The following ERGIC1 variants were observed in gnomAD, a reference collection of about 807,000 sequenced individuals.
ERGIC1 encodes the protein endoplasmic reticulum-Golgi intermediate compartment protein 1.
A neutral mutation model predicts 38.3 loss-of-function variants in ERGIC1; 19 were observed. That is an observed-to-expected ratio of 0.50 (90% CI 0.35 to 0.73). The LOEUF (loss-of-function observed/expected upper bound fraction) is 0.73, where lower values mean the gene tolerates loss of function less well. Among genes scored for constraint, ERGIC1 ranks in the 30% least tolerant of loss-of-function variants. The pLI, the probability that ERGIC1 is intolerant of heterozygous loss-of-function variation, is 0.01. For missense variants in ERGIC1, 294 were observed against 389.2 expected, an observed-to-expected ratio of 0.76 and a Z score of 2.06; for synonymous variants, 124 against 157.6, an observed-to-expected ratio of 0.79 and a Z score of 1.60.
chr5:172,946,466 A>G (rs995239211), intron 9 of ERGIC1, among the ~76,000 whole-genome samples: 1 of 152,148 alleles, frequency 6.6e-6, no homozygotes, highest in African/African-American at 2.4e-5. Context: ...TTGTTCCCAC[A>G]TCATCCCAGG....
At chr5:172,947,937 T>C (rs1402347954) in intron 9 of ERGIC1, among the ~76,000 whole-genome samples, 1 of 151,732 alleles carries the variant, frequency 6.6e-6, no homozygotes, top group Non-Finnish European at 1.5e-5. Context: ...TTTGCTTCAT[T>C]GCACGTAAGT....
intron 4 of ERGIC1, among the ~76,000 whole-genome samples, chr5:172,914,247 A>ATAAAAT (rs1406597362): frequency 7.8e-6 from 1 of 127,914 alleles, no homozygotes; most frequent in South Asian, 2.1e-4. Context: ...AAAAAAAAAA[A>ATAAAAT]AAAAAAAAAA....
At chr5:172,867,161 C>T in intron 1 of ERGIC1, 2 of 454,544 alleles carry the variant, frequency 4.4e-6, no homozygotes, top group Non-Finnish European at 8.9e-6. Context: ...CCAGTGCTTG[C>T]CAGCAATGCC....
intron 9 of ERGIC1, chr5:172,938,136 C>T (rs61495029): frequency 0.19 from 28,263 of 152,164 alleles, 2,812 homozygotes; most frequent in South Asian, 0.24. Context: ...AACCCCAGGA[C>T]CCAAAAAATC....
At chr5:172,894,382 G>T (rs1193264237) in intron 2 of ERGIC1, among the ~76,000 whole-genome samples, 1 of 151,532 alleles carries the variant, frequency 6.6e-6, no homozygotes, top group Non-Finnish European at 1.5e-5. Flanking sequence ...TTTTAGTAGG[G>T]ACGGGGTTTC....
intron 1 of ERGIC1, among the ~76,000 whole-genome samples, chr5:172,860,605 A>G (rs1204492097): frequency 6.6e-6 from 1 of 152,326 alleles, no homozygotes; most frequent in East Asian, 1.9e-4. Context: ...ACCGTGAAAG[A>G]AACAGACTTC....
chr5:172,868,218 T>G (rs1761919636), intron 1 of ERGIC1, among the ~76,000 whole-genome samples: 1 of 152,158 alleles, frequency 6.6e-6, no homozygotes, highest in Admixed American at 6.5e-5. Flanking sequence ...TTAACCCCAT[T>G]TTACAGATGT....
intron 5 of ERGIC1, chr5:172,916,572 A>G (rs907818224): frequency 2.6e-5 from 4 of 152,246 alleles, no homozygotes; most frequent in Admixed American, 6.5e-5. Context: ...CATCAACCAC[A>G]TTTCAAGTGC....
At chr5:172,919,309 C>T (rs1763452539) in intron 5 of ERGIC1, among the ~76,000 whole-genome samples, 1 of 152,202 alleles carries the variant, frequency 6.6e-6, no homozygotes, top group South Asian at 2.1e-4. Flanking sequence ...CACACCTCCT[C>T]ACTGTGGGCC....
rs78079306 is a variant in ERGIC1 at position 172,852,168 on chromosome 5, C to G, written c.20+17735C>G. On this transcript the variant is annotated intron_variant, in intron 1 of 9. Transcript: ENST00000393784. ...GTCAGTGTTGCATTTTTTGTACCCC[C>G]ACTTTGAGCCCTGTGCTTAAAGACA... Among the ~76,000 whole-genome samples the G allele has an allele frequency of 8.6e-3, 1,308 of 152,252 alleles. 17 individuals are homozygous for G. The highest frequency in any genetic ancestry group is 0.03 in the African/African-American group (1,234 of 41,546).
intron 4 of ERGIC1, 145 bp downstream of exon 4, chr5:172,909,906 T>C (rs2113381677): frequency 2.8e-6 from 2 of 722,120 alleles, no homozygotes; most frequent in East Asian, 5.3e-5. Context: ...TAATTGCGTA[T>C]GCATGCACTT....
chr5:172,926,436 T>C lies in ERGIC1; in HGVS notation c.481-73T>C. The C allele has an allele frequency of 6.4e-7, 1 of 1,557,208 alleles. No homozygotes were observed. Among genetic ancestry groups the C allele is most frequent in the Non-Finnish European group, 8.9e-7 (1 of 1,129,846 alleles). On this transcript the variant is annotated intron_variant, in intron 6 of 9. Transcript: ENST00000393784. This position sits in a 1 kb window ranked among gnomAD's most constrained non-coding sequence, Gnocchi z 5.2. ...TCCTAGACCAGGTGGTACCTGGCCA[T>C]CCCCCACAACCAGGGCCAGGCCTGG...
chr5:172,881,422 T>G (rs1190335798), intron 1 of ERGIC1, among the ~76,000 whole-genome samples: 6 of 152,196 alleles, frequency 3.9e-5, no homozygotes, highest in African/African-American at 1.2e-4. Context: ...ATGGACTCAG[T>G]TCCCCAAGGG....
intron 4 of ERGIC1, 40 bp from the exon 5 acceptor site, chr5:172,914,674 C>T: frequency 6.2e-7 from 1 of 1,613,740 alleles, no homozygotes; most frequent in Non-Finnish European, 8.5e-7. Flanking sequence ...CCTCCCGCGT[C>T]TCTGGGTTTG....
chr5:172,870,099 T>C (rs895391046), intron 1 of ERGIC1, among the ~76,000 whole-genome samples: 2 of 152,230 alleles, frequency 1.3e-5, no homozygotes, highest in Admixed American at 1.3e-4. Flanking sequence ...TACTGACTAT[T>C]CTGATACAAA....
chr5:172,929,953 C>G (rs1341527480), intron 7 of ERGIC1, among the ~76,000 whole-genome samples: 7 of 152,070 alleles, frequency 4.6e-5, no homozygotes, highest in African/African-American at 1.7e-4. Context: ...TTTGGGAGGC[C>G]AAGTCGGGTG....
intron 2 of ERGIC1, among the ~76,000 whole-genome samples, chr5:172,895,591 C>T (rs368910986): frequency 5.9e-5 from 9 of 152,062 alleles, no homozygotes; most frequent in South Asian, 4.1e-4. Context: ...GTGGGAGAAA[C>T]GGCCACAGAT....
At chr5:172,850,883 G>C (rs111894816) in intron 1 of ERGIC1, among the ~76,000 whole-genome samples, 2 of 152,096 alleles carry the variant, frequency 1.3e-5, no homozygotes, top group African/African-American at 4.8e-5. Flanking sequence ...CAGCATTTTT[G>C]AATGAAAATA....
intron 5 of ERGIC1, among the ~76,000 whole-genome samples, chr5:172,921,948 G>C (rs1030767253): frequency 6.6e-6 from 1 of 152,242 alleles, no homozygotes; most frequent in Admixed American, 6.5e-5. Flanking sequence ...CCTCAATTGA[G>C]CCGGGGGCCT....
Sources: gnomAD v4.1 joint callset for allele counts (sites outside exome capture counted in the v4.1 genomes callset) on GRCh38, gnomAD v4.1.1 for gene constraint, Gnocchi (gnomAD v3.1) non-coding constraint, MANE v1.5 for transcripts, NCBI Gene and HGNC (gene_info 2026-07-23, HGNC 2026-07-21) for gene names.